RBFOX1: variants seen among roughly 807,000 people sequenced by gnomAD.
RBFOX1 encodes the protein RNA binding protein fox-1 homolog 1.
Under a neutral mutation model 57.7 loss-of-function variants are expected in RBFOX1, and 8 were observed. The ratio of observed to expected loss-of-function variants is 0.14; its 90% CI spans 0.08 to 0.25. The LOEUF is 0.25. Among genes scored for constraint, RBFOX1 ranks in the 10% least tolerant of loss-of-function variants. The pLI is 1.00. For synonymous variants in RBFOX1, 326 were observed against 222.4 expected (o/e 1.47, Z -4.15); for missense variants, 611 against 548.5 (o/e 1.11, Z -1.14).
chr16:5,511,958 A>T (rs1866428354), intron 2 of RBFOX1, among the ~76,000 whole-genome samples: 1 of 152,226 alleles, frequency 6.6e-6, no homozygotes, highest in South Asian at 2.1e-4. Flanking sequence ...TTAAAGTTTC[A>T]TATTGATGAT....
At chr16:6,521,440 C>T (rs2096495266) in intron 2 of RBFOX1, among the ~76,000 whole-genome samples, 2 of 145,030 alleles carry the variant, frequency 1.4e-5, no homozygotes, top group African/African-American at 5.1e-5. Context: ...CCTTCCCTCC[C>T]CTCCCCTCCC....
intron 3 of RBFOX1, among the ~76,000 whole-genome samples, chr16:6,741,343 A>G (rs1043026547): frequency 1.3e-5 from 2 of 152,114 alleles, no homozygotes; most frequent in East Asian, 1.9e-4. Flanking sequence ...AAGGGTCTAT[A>G]AAAGAAAAAA....
At chr16:6,090,917 A>G (rs375220528) in intron 1 of RBFOX1, among the ~76,000 whole-genome samples, 1 of 152,348 alleles carries the variant, frequency 6.6e-6, no homozygotes, top group East Asian at 1.9e-4. Flanking sequence ...AAAACTTAAA[A>G]AAAGTATTGA....
At chr16:5,830,379 G>GTTTT (rs112765671) in intron 3 of RBFOX1, among the ~76,000 whole-genome samples, 12 of 141,664 alleles carry the variant, frequency 8.5e-5, no homozygotes, top group Admixed American at 7.1e-5. Flanking sequence ...TTTGCTTTTT[G>GTTTT]TTTTTTTTTT....
At chr16:5,882,261 T>A (rs1400495867) in intron 4 of RBFOX1, among the ~76,000 whole-genome samples, 1 of 152,180 alleles carries the variant, frequency 6.6e-6, no homozygotes, top group Non-Finnish European at 1.5e-5. Context: ...TCACTCCCAT[T>A]TTACAGATTG....
chr16:5,427,886 A>G (rs1008600985), intron 1 of RBFOX1, among the ~76,000 whole-genome samples: 4 of 152,216 alleles, frequency 2.6e-5, no homozygotes, highest in African/African-American at 9.6e-5. Flanking sequence ...GTGACCATCT[A>G]TCTGGGCATC....
chr16:6,490,859 T>G (rs2095616788), intron 2 of RBFOX1, among the ~76,000 whole-genome samples: 1 of 152,218 alleles, frequency 6.6e-6, no homozygotes, highest in Non-Finnish European at 1.5e-5. Context: ...ATTGCAGAAC[T>G]GTCAAAAGAC....
intron 3 of RBFOX1, among the ~76,000 whole-genome samples, chr16:7,026,962 T>A (rs984681461): frequency 3.3e-5 from 5 of 152,162 alleles, no homozygotes; most frequent in African/African-American, 1.2e-4. Flanking sequence ...TTGGGTGCTT[T>A]GCCCTCTCTG....
intron 4 of RBFOX1, among the ~76,000 whole-genome samples, chr16:7,317,861 T>A (rs1239854949): frequency 6.6e-6 from 1 of 152,172 alleles, no homozygotes; most frequent in Admixed American, 6.5e-5. Flanking sequence ...GACATAGCAT[T>A]GTTAGGAGTA....
chr16:7,336,899 C>T (rs556027755), intron 4 of RBFOX1, among the ~76,000 whole-genome samples: 1 of 152,208 alleles, frequency 6.6e-6, no homozygotes, highest in South Asian at 2.1e-4. Flanking sequence ...TTCTTTATCC[C>T]AGCTAATGTA....
intron 2 of RBFOX1, among the ~76,000 whole-genome samples, chr16:6,613,417 AC>A (rs1213806554): frequency 6.6e-6 from 1 of 152,098 alleles, no homozygotes; most frequent in Non-Finnish European, 1.5e-5. Context: ...ATTTCTGTAT[AC>A]GGTGTGGTGT....
At chr16:7,228,360 A>AC (rs1366431887) in intron 4 of RBFOX1, among the ~76,000 whole-genome samples, 1 of 151,912 alleles carries the variant, frequency 6.6e-6, no homozygotes, top group African/African-American at 2.4e-5. Context: ...TTCTCCTACT[A>AC]CCCCCCGCTG....
rs78452825 is a variant in RBFOX1, at chr16:5,545,018, C to T, written c.259-53884C>T. Among the ~76,000 whole-genome samples the T allele has an allele frequency of 3.0e-4, 40 of 135,272 alleles. No individual in the cohort carries two copies. In the East Asian group the frequency reaches 7.6e-3, roughly 26 times the overall value. 88.7% of individuals were successfully genotyped at this position (135,272 alleles called of 152,430 possible). On this transcript the variant is annotated intron_variant, in intron 2 of 2. Transcript: ENST00000585867. ...TTGATACGGAGTCTCGCTCTGTCTT[C>T]CAGGCTGGAGTGTAGTGGAGCATTC...
chr16:7,380,692 G>A (rs1004915818), intron 4 of RBFOX1, among the ~76,000 whole-genome samples: 2 of 152,290 alleles, frequency 1.3e-5, no homozygotes, highest in South Asian at 2.1e-4. Flanking sequence ...TAACCCAGTC[G>A]TTTCATACAA....
chr16:5,675,463 G>T (rs184918348), intron 3 of RBFOX1, among the ~76,000 whole-genome samples: 4 of 152,180 alleles, frequency 2.6e-5, no homozygotes, highest in East Asian at 3.9e-4. Flanking sequence ...CTCAGCTCAC[G>T]TGCCCAGTGG....
At chr16:6,402,811 G>A (rs1218344136) in intron 2 of RBFOX1, among the ~76,000 whole-genome samples, 2 of 152,182 alleles carry the variant, frequency 1.3e-5, no homozygotes, top group Non-Finnish European at 2.9e-5. Flanking sequence ...GTAGCCAGTT[G>A]TGCCTGCTAT....
chr16:6,596,524 C>T (rs770810137), intron 2 of RBFOX1, among the ~76,000 whole-genome samples: 8 of 145,000 alleles, frequency 5.5e-5, no homozygotes, highest in Non-Finnish European at 8.8e-5. Flanking sequence ...CTCCTGTGTT[C>T]CTGGCATTTT....
chr16:5,371,746 C>T (rs762143491), intron 1 of RBFOX1, among the ~76,000 whole-genome samples: 63 of 152,200 alleles, frequency 4.1e-4, no homozygotes, highest in East Asian at 3.8e-4. Context: ...CCGGCATTTC[C>T]GGAGATGGTC....
At chr16:7,215,614 T>C (rs1198645086) in intron 4 of RBFOX1, among the ~76,000 whole-genome samples, 1 of 152,134 alleles carries the variant, frequency 6.6e-6, no homozygotes, top group Non-Finnish European at 1.5e-5. Context: ...ATTTACACCA[T>C]CTTTATAACC....
Sources: gnomAD v4.1 joint callset for allele counts (sites outside exome capture counted in the v4.1 genomes callset) on GRCh38, gnomAD v4.1.1 for gene constraint, MANE v1.5 for transcripts, NCBI Gene and HGNC (gene_info 2026-07-23, HGNC 2026-07-21) for gene names.